Variants in KIN observed in about 807,000 individuals in gnomAD.
KIN encodes DNA/RNA-binding protein KIN17.
In KIN, 47 loss-of-function variants were observed where a neutral mutation model predicts 63.0. That is an observed-to-expected ratio of 0.75 (90% CI 0.59 to 0.95). The LOEUF (loss-of-function observed/expected upper bound fraction) is 0.95, where lower values mean the gene tolerates loss of function less well. Among genes scored for constraint, KIN ranks in the 40% least tolerant of loss-of-function variants. The pLI is 0.00. For missense variants in KIN, 408 were observed against 460.9 expected (o/e 0.89, Z 1.05); for synonymous variants, 160 against 157.7 (o/e 1.01, Z -0.11).
At chr10:7,769,444 G>C (rs2296734) in intron 7 of KIN, 99 bp from the exon 8 acceptor site, 455,976 of 1,188,906 alleles carry the variant, frequency 0.38, 93,727 homozygotes, top group Non-Finnish European at 0.43. Flanking sequence ...GTGTGACATA[G>C]TAATTTACAG....
intron 5 of KIN, among the ~76,000 whole-genome samples, chr10:7,776,749 A>T: frequency 1.8e-5 from 1 of 55,742 alleles, no homozygotes; most frequent in Admixed American, 1.9e-4. Context: ...AAAAAAAAAG[A>T]AAAGAAATTA....
rs143501883 is a variant in KIN, at chr10:7,771,419, TA to T, written c.669-2075del. ...TGTTTTCTAAAGACTTTTCTCCACT[TA>T]AAAAAATATATTTGCTTATTTTTCT... On this transcript the variant is annotated intron_variant, in intron 7 of 12. Transcript: ENST00000379562. 5.9e-5 allele frequency among the ~76,000 whole-genome samples: 9 copies of T among 152,276 alleles called. No individual in the cohort carries two copies. In the East Asian group the frequency reaches 1.7e-3, roughly 29 times the overall value.
Position 7,763,779 on chromosome 10 carries a change from T to C in KIN, c.862A>G (p.Lys288Glu). The stretch of plus-strand genomic sequence containing the variant: ...TCTCCCAGTTTCTTGGTTATAATTT[T>C]CACAATAATTTCCTAGAAAATAATA... Reference protein sequence around the residue: ...DYWLQPEIIVKIITKKLGEKY... With the variant: ...DYWLQPEIIVEIITKKLGEKY... Residue 288 changes from lysine to glutamate, a missense_variant, in exon 10 of 13, where the codon AAA (lysine) becomes GAA (glutamate). Lys to Glu is a moderately conservative substitution (Grantham distance 56). Around this residue, in one of 2 missense-constraint regions of KIN, gnomAD observed 298 missense variants for 296.0 expected, o/e 1.01. Transcript: ENST00000379562. The C allele has an allele frequency of 1.5e-6, 2 of 1,358,678 alleles. No individual in the cohort carries two copies. The highest frequency in any genetic ancestry group is 2.9e-5 in the African/African-American group (2 of 68,716). 84.2% of individuals were successfully genotyped at this position (1,358,678 alleles called of 1,614,324 possible). A position where few individuals can be genotyped will look rare whatever the true frequency, so the allele number is the denominator to read the frequency against.
Position 7,780,070 on chromosome 10 carries a change from C to T in KIN, c.362G>A (p.Trp121Ter), listed in dbSNP as rs1473655058. The change falls in exon 4 of 13, where the codon TGG (tryptophan) becomes TAG (stop). Residue 121 changes from tryptophan (W) to a stop codon, truncating the protein, a stop_gained. Coordinates refer to ENST00000379562, the MANE Select transcript of KIN (RefSeq NM_012311.4). LOFTEE classifies it high-confidence loss of function. ...QWETLTDFTKWLGREGLCKVD... is the reference protein window; with the variant it reads ...QWETLTDFTK ...CTCATTCTTACCTTCTCTGCCCAGC[C>T]ACTTAGTAAAATCAGTCAGAGTTTC... 7 of 1,612,398 alleles carry T rather than the reference C, an allele frequency of 4.3e-6. No homozygotes were observed. The highest frequency in any genetic ancestry group is 5.9e-6 in the Non-Finnish European group (7 of 1,179,342).
rs1836063615 is a variant in KIN, at chr10:7,787,902, G to A, written c.32C>T (p.Ala11Val). Residue 11 changes from alanine to valine, a missense_variant, in exon 1 of 13, where the codon GCT becomes GTT. Coordinates refer to ENST00000379562, the MANE Select transcript of KIN (RefSeq NM_012311.4). The part of the protein sequence containing the change: MGKSDFLTPK[A>V]IANRIKSKGL... ...CTTGGACTTGATCCTGTTGGCGATAGCCTTGGGAGTAAGAAAATCCGACTT... is the reference window on the plus strand; with the variant it reads ...CTTGGACTTGATCCTGTTGGCGATAACCTTGGGAGTAAGAAAATCCGACTT... 2 of 1,614,020 alleles carry A rather than the reference G, an allele frequency of 1.2e-6. No individual in the cohort carries two copies. The highest frequency in any genetic ancestry group is 2.7e-5 in the African/African-American group (2 of 74,946).
In KIN at chr10:7,755,946, T is replaced by TAC. The variant is rs1424142750; in HGVS notation, c.*132_*133dup. The TAC allele has an allele frequency of 2.2e-5, 8 of 371,836 alleles. No homozygotes were observed. The highest frequency in any genetic ancestry group is 3.4e-5 in the Non-Finnish European group (7 of 208,494). The allele number at this position is 371,836 out of a possible 1,614,324, so 23.0% of individuals were successfully genotyped here. On this transcript the variant is annotated 3_prime_UTR_variant, in exon 13 of 13. Coordinates refer to ENST00000379562, the MANE Select transcript of KIN (RefSeq NM_012311.4). ...TTCTCAAAGTTTAGCTGAACAACTA[T>TAC]ACAGTAATATTTTCAAAAACCTGTT...
chr10:7,772,374 G>C (rs538050609), intron 7 of KIN, among the ~76,000 whole-genome samples: 1 of 152,252 alleles, frequency 6.6e-6, no homozygotes, highest in East Asian at 1.9e-4. Flanking sequence ...GGAAAGTAAG[G>C]TTCCTTGAAC....
At chr10:7,777,053 C>CAAAAAA (rs60757813) in intron 5 of KIN, among the ~76,000 whole-genome samples, 14 of 80,700 alleles carry the variant, frequency 1.7e-4, no homozygotes, top group Non-Finnish European at 2.1e-4. Flanking sequence ...GACAGTCTCT[C>CAAAAAA]AAAAAAAAAA....
chr10:7,780,377 A>C, intron 2 of KIN, 70 bp from the exon 3 acceptor site: 1 of 1,316,462 alleles, frequency 7.6e-7, no homozygotes, highest in South Asian at 1.3e-5. Flanking sequence ...TTTGAAATTT[A>C]AGCAGTAGTA....
chr10:7,766,135 C>A, intron 8 of KIN, 32 bp from the exon 9 acceptor site: 1 of 1,474,934 alleles, frequency 6.8e-7, no homozygotes, highest in Non-Finnish European at 9.4e-7. Context: ...AAATTATCTC[C>A]CTAAAATCCT....
In KIN at chr10:7,753,905, C is replaced by T; in HGVS notation, c.*2175G>A. The T allele has an allele frequency of 2.8e-6, 1 of 360,712 alleles. No homozygotes were observed. The highest frequency in any genetic ancestry group is 5.6e-6 in the Non-Finnish European group (1 of 177,312). 22.3% of individuals were successfully genotyped at this position (360,712 alleles called of 1,614,324 possible). On this transcript the variant is annotated 3_prime_UTR_variant, in exon 13 of 13. Transcript: ENST00000379562. ...TCTGAGAATAGAAGCAATCAGCCCTCCCTGACTCTCAGTTAAAGAGAGAGA... is the reference window on the plus strand; with the variant it reads ...TCTGAGAATAGAAGCAATCAGCCCTTCCTGACTCTCAGTTAAAGAGAGAGA...
intron 8 of KIN, 150 bp from the exon 9 acceptor site, chr10:7,766,253 C>A: frequency 3.9e-6 from 2 of 514,050 alleles, no homozygotes; most frequent in Non-Finnish European, 6.8e-6. Flanking sequence ...CTGATAAATA[C>A]AAATAAACAT....
chr10:7,778,057 C>T (rs562225800), intron 5 of KIN, among the ~76,000 whole-genome samples: 8 of 152,296 alleles, frequency 5.3e-5, no homozygotes, highest in African/African-American at 1.9e-4. Context: ...AACACCTCAG[C>T]TCCTTCCCTC....
rs374796717 is a variant in KIN, at chr10:7,787,961, G to A, written c.-28C>T. ...CGACCACGGCAGCGATCACTTTCTG[G>A]ACCCCAGTACTCAGCCAGCCGGAAA... On this transcript the variant is annotated 5_prime_UTR_variant, in exon 1 of 13. Coordinates refer to ENST00000379562, the MANE Select transcript of KIN (RefSeq NM_012311.4). The A allele has an allele frequency of 8.4e-6, 13 of 1,545,522 alleles. No individual in the cohort carries two copies. Among genetic ancestry groups the A allele is most frequent in the South Asian group, 4.5e-5 (4 of 89,716 alleles).
intron 3 of KIN, 33 bp from the exon 4 acceptor site, chr10:7,780,211 G>A (rs777596420): frequency 6.2e-7 from 1 of 1,611,522 alleles, no homozygotes; most frequent in Non-Finnish European, 8.5e-7. Context: ...ATGATCATCA[G>A]AAGATTATGC....
intron 5 of KIN, among the ~76,000 whole-genome samples, chr10:7,777,903 C>A (rs7897712): frequency 0.36 from 47,563 of 131,086 alleles, 8,336 homozygotes; most frequent in Non-Finnish European, 0.42. Context: ...CGTCCCCCCC[C>A]CAAAAAAAAA....
chr10:7,759,731 T>C, intron 12 of KIN, 159 bp downstream of exon 12: 1 of 463,378 alleles, frequency 2.2e-6, no homozygotes, highest in Non-Finnish European at 3.8e-6. Flanking sequence ...ACTTTAGCAA[T>C]GGCAGAGTCA....
At chr10:7,778,757 A>AACAACC in intron 5 of KIN, 81 bp downstream of exon 5, 1 of 1,441,026 alleles carries the variant, frequency 6.9e-7, no homozygotes, top group Non-Finnish European at 9.5e-7. Flanking sequence ...CAACAACAAC[A>AACAACC]AAAACAAAAA....
Position 7,752,391 on chromosome 10 carries a change from T to G in KIN, c.*3689A>C, listed in dbSNP as rs556089715. On this transcript the variant is annotated 3_prime_UTR_variant, in exon 13 of 13. Coordinates refer to ENST00000379562, the MANE Select transcript of KIN (RefSeq NM_012311.4). ...TGACAAGATCCCACTGTACAGCTAT[T>G]AAGATGGCCAAAATCCAGAACACTG... 10 of 152,302 alleles carry G rather than the reference T, an allele frequency of 6.6e-5. No homozygotes were observed. The East Asian group carries it at 1.9e-3, about 29-fold the overall frequency. 9.4% of individuals were successfully genotyped at this position (152,302 alleles called of 1,614,324 possible). A position where few individuals can be genotyped will look rare whatever the true frequency, so the allele number is the denominator to read the frequency against.
Sources: gnomAD v4.1 joint callset for allele counts (sites outside exome capture counted in the v4.1 genomes callset) on GRCh38, gnomAD v4.1.1 for gene constraint, gnomAD v4.1.1 regional missense constraint, MANE v1.5 for transcripts, NCBI Gene and HGNC (gene_info 2026-07-23, HGNC 2026-07-21) for gene names.